NWD2: variants seen among roughly 807,000 people sequenced by gnomAD.
The protein encoded by NWD2 is NACHT and WD repeat domain containing 2.
A neutral mutation model predicts 132.7 loss-of-function variants in NWD2; 37 were observed. That is an observed-to-expected ratio of 0.28 (90% CI 0.21 to 0.37). The LOEUF (loss-of-function observed/expected upper bound fraction) is 0.37, where lower values mean the gene tolerates loss of function less well. NWD2 is among the 10% of genes least tolerant of loss of function. NWD2 has a pLI of 1.00. For synonymous variants in NWD2, 705 were observed against 803.0 expected, an observed-to-expected ratio of 0.88 and a Z score of 2.06; for missense variants, 1,592 against 2,122.4, an observed-to-expected ratio of 0.75 and a Z score of 4.91.
In NWD2 at chr4:37,431,624, T is replaced by C. The variant is rs114458730; in HGVS notation, c.561+849T>C. Among the ~76,000 whole-genome samples, 951 of 152,316 alleles carry C rather than the reference T, an allele frequency of 6.2e-3. 5 individuals carry two copies. The highest frequency in any genetic ancestry group is 0.021 in the African/African-American group (865 of 41,572). ...TGAGAGAGCAGATCTCAAGTGTTCT[T>C]ACCACCCACCAAAACAAAGGAAATT... On this transcript the variant is annotated intron_variant, in intron 4 of 6. Transcript: ENST00000309447.
chr4:37,365,597 A>T (rs4240238), intron 3 of NWD2, among the ~76,000 whole-genome samples: 1 of 152,126 alleles, frequency 6.6e-6, no homozygotes, highest in Admixed American at 6.6e-5. Flanking sequence ...TCAACTAGTT[A>T]TCATAGCTCT....
intron 1 of NWD2, among the ~76,000 whole-genome samples, chr4:37,276,284 G>C (rs191479838): frequency 1.5e-4 from 23 of 151,586 alleles, no homozygotes; most frequent in African/African-American, 4.8e-4. Flanking sequence ...CAAAAAGTGG[G>C]CAAAGGATAC....
intron 6 of NWD2, among the ~76,000 whole-genome samples, chr4:37,441,431 G>A (rs1460214078): frequency 6.6e-6 from 1 of 152,200 alleles, no homozygotes; most frequent in Non-Finnish European, 1.5e-5. Flanking sequence ...GTGGAGGAAA[G>A]GAGCATACAG....
At chr4:37,273,000 T>A (rs755667341) in intron 1 of NWD2, among the ~76,000 whole-genome samples, 2 of 151,798 alleles carry the variant, frequency 1.3e-5, no homozygotes, top group Non-Finnish European at 2.9e-5. Context: ...CTCAGGTATT[T>A]CAGTTCACCC....
At position 37,444,095 on chromosome 4, in the gene NWD2, G is replaced by T; in HGVS notation, c.2107G>T (p.Val703Leu). 3 of 1,551,712 alleles carry T rather than the reference G, an allele frequency of 1.9e-6. No individual in the cohort carries two copies. The highest frequency in any genetic ancestry group is 2.6e-6 in the Non-Finnish European group (3 of 1,147,006). The change falls in exon 7 of 7, where the codon GTA becomes TTA. Residue 703 changes from valine to leucine, a missense_variant. Val to Leu is a conservative substitution (Grantham distance 32). This residue lies in a region of NWD2 where 1,071 missense variants were observed against 1,398.0 expected (regional missense o/e 0.77). Transcript: ENST00000309447. This position sits in a 1 kb window ranked among gnomAD's most constrained non-coding sequence, Gnocchi z 4.8. ...ENTRPSNPLR[V>L]PYLYIARLKE... ...CACCAGACCCAGCAATCCCCTGAGA[G>T]TACCTTACTTGTACATTGCAAGGCT...
intron 5 of NWD2, 111 bp from the exon 6 acceptor site, chr4:37,438,689 CA>C: frequency 1.4e-6 from 1 of 732,226 alleles, no homozygotes. Flanking sequence ...TACTTCGCTA[CA>C]AACCATAAGC....
chr4:37,313,399 T>A (rs1718891060), intron 1 of NWD2, among the ~76,000 whole-genome samples: 1 of 151,208 alleles, frequency 6.6e-6, no homozygotes, highest in African/African-American at 2.5e-5. Flanking sequence ...CTTCTAGATT[T>A]TCTAGTTTAT....
chr4:37,298,617 T>C (rs1365855477), intron 1 of NWD2, among the ~76,000 whole-genome samples: 27 of 152,076 alleles, frequency 1.8e-4, no homozygotes. Context: ...AGAGAGCTCT[T>C]CATTATTTGC....
At chr4:37,301,645 ATTTC>A (rs1259178012) in intron 1 of NWD2, among the ~76,000 whole-genome samples, 3 of 151,046 alleles carry the variant, frequency 2.0e-5, no homozygotes, top group African/African-American at 7.3e-5. Flanking sequence ...GGTTTTATTA[ATTTC>A]TTTTTCAAAT....
intron 2 of NWD2, among the ~76,000 whole-genome samples, chr4:37,346,694 T>C (rs1266416606): frequency 6.6e-6 from 1 of 152,106 alleles, no homozygotes; most frequent in East Asian, 1.9e-4. Context: ...CTTTCGACAA[T>C]TTTTCTGTAG....
intron 6 of NWD2, among the ~76,000 whole-genome samples, chr4:37,440,656 C>T (rs1045412179): frequency 2.6e-5 from 4 of 152,172 alleles, no homozygotes; most frequent in African/African-American, 9.7e-5. Context: ...CCTGCCTCTC[C>T]AGTCTTCTTT....
rs116485872 is a variant in NWD2, at chr4:37,328,749, C to T, written c.240+2725C>T. On this transcript the variant is annotated intron_variant, in intron 2 of 6. Coordinates refer to ENST00000309447, the MANE Select transcript of NWD2 (RefSeq NM_001144990.2). The stretch of plus-strand genomic sequence containing the variant: ...TGGCTGAAAATTCCAGAAACCAGAA[C>T]GCCTCTTCTCCTCTAGAGATGCTGT... 3.4e-3 allele frequency among the ~76,000 whole-genome samples: 510 copies of T among 152,158 alleles called. 3 individuals are homozygous for T. The highest frequency in any genetic ancestry group is 0.011 in the African/African-American group (473 of 41,520).
chr4:37,330,431 T>C (rs914214138), intron 2 of NWD2, among the ~76,000 whole-genome samples: 2 of 152,002 alleles, frequency 1.3e-5, no homozygotes, highest in Non-Finnish European at 1.5e-5. Flanking sequence ...GGAGAATCAA[T>C]TGGAAAAAAG....
intron 2 of NWD2, among the ~76,000 whole-genome samples, chr4:37,355,572 G>T (rs192242692): frequency 4.3e-4 from 65 of 152,288 alleles, no homozygotes; most frequent in Admixed American, 7.8e-4. Context: ...GAAAGGAAAA[G>T]AAGAAATTTT....
intron 1 of NWD2, among the ~76,000 whole-genome samples, chr4:37,259,667 G>A (rs554658070): frequency 1.2e-4 from 19 of 152,134 alleles, no homozygotes; most frequent in Non-Finnish European, 1.6e-4. Flanking sequence ...GCTTGACAGG[G>A]CCTCACCTAG....
At chr4:37,392,927 AC>A in intron 3 of NWD2, among the ~76,000 whole-genome samples, 1 of 152,140 alleles carries the variant, frequency 6.6e-6, no homozygotes, top group Middle Eastern at 3.4e-3. Flanking sequence ...TCTCTCATTC[AC>A]CCTAGGATGT....
intron 1 of NWD2, among the ~76,000 whole-genome samples, chr4:37,273,757 A>AG (rs1371734255): frequency 1.3e-5 from 2 of 151,988 alleles, no homozygotes; most frequent in African/African-American, 4.8e-5. Context: ...CAATCAAACT[A>AG]AACTCAGGAT....
At chr4:37,277,086 A>G (rs1718035067) in intron 1 of NWD2, among the ~76,000 whole-genome samples, 1 of 151,946 alleles carries the variant, frequency 6.6e-6, no homozygotes, top group African/African-American at 2.4e-5. Flanking sequence ...TACATATGTA[A>G]CAAACCTGCA....
chr4:37,276,314 T>C (rs1006632481), intron 1 of NWD2, among the ~76,000 whole-genome samples: 2 of 152,150 alleles, frequency 1.3e-5, no homozygotes, highest in Admixed American at 1.3e-4. Context: ...AAGAAGACAT[T>C]TATGCAGCCA....
Sources: gnomAD v4.1 joint callset for allele counts (sites outside exome capture counted in the v4.1 genomes callset) on GRCh38, gnomAD v4.1.1 for gene constraint, gnomAD v4.1.1 regional missense constraint, Gnocchi (gnomAD v3.1) non-coding constraint, MANE v1.5 for transcripts, NCBI Gene and HGNC (gene_info 2026-07-23, HGNC 2026-07-21) for gene names.